The following RALGDS variants were observed in gnomAD, a reference collection of about 807,000 sequenced individuals.
RALGDS encodes the protein ral guanine nucleotide exchange factor.
In RALGDS, 44 loss-of-function variants were observed where a neutral mutation model predicts 99.8. The observed-to-expected ratio is 0.44, with a 90% confidence interval of 0.35 to 0.57. The LOEUF (loss-of-function observed/expected upper bound fraction) is 0.57. Among genes scored for constraint, RALGDS ranks in the 20% least tolerant of loss-of-function variants. RALGDS has a pLI of 0.01. For synonymous variants in RALGDS, 529 were observed against 505.0 expected, an observed-to-expected ratio of 1.05 and a Z score of -0.64; for missense variants, 1,022 against 1,203.1, an observed-to-expected ratio of 0.85 and a Z score of 2.23.
intron 1 of RALGDS, among the ~76,000 whole-genome samples, chr9:133,143,966 A>T (rs1832581239): frequency 1.3e-5 from 2 of 151,804 alleles, no homozygotes; most frequent in Non-Finnish European, 2.9e-5. Context: ...GCCCCTTTGT[A>T]TATCAAAGGC....
intron 10 of RALGDS, among the ~76,000 whole-genome samples, 167 bp from the exon 11 acceptor site, chr9:133,104,000 A>G (rs570206982): frequency 7.2e-5 from 11 of 152,156 alleles, no homozygotes; most frequent in Middle Eastern, 3.4e-3. Context: ...CCTGGCTGGC[A>G]TCTGGGAAAT....
intron 9 of RALGDS, 37 bp downstream of exon 9, chr9:133,105,895 C>CAG (rs1325915942): frequency 9.8e-5 from 7 of 71,122 alleles, no homozygotes; most frequent in African/African-American, 4.2e-4. Context: ...GCCCCAGCCC[C>CAG]CGCCCCAGCC....
intron 17 of RALGDS, chr9:133,099,150 C>A (rs566363237): frequency 8.2e-6 from 2 of 245,252 alleles, no homozygotes; most frequent in South Asian, 1.1e-4. Flanking sequence ...AAAGGACAGG[C>A]CTGCCCCAGG....
intron 4 of RALGDS, among the ~76,000 whole-genome samples, chr9:133,109,371 G>C (rs1831227433): frequency 6.6e-6 from 1 of 152,178 alleles, no homozygotes; most frequent in South Asian, 2.1e-4. Flanking sequence ...AGGCCAGCTG[G>C]GATGAGGCTA....
At chr9:133,146,195 G>C (rs566363919) in intron 1 of RALGDS, among the ~76,000 whole-genome samples, 1 of 96,320 alleles carries the variant, frequency 1.0e-5, no homozygotes, top group African/African-American at 3.1e-5. Context: ...TTGTTTGTTC[G>C]TTTGTTTATT....
chr9:133,110,268 C>T (rs746457280), intron 3 of RALGDS, 28 bp downstream of exon 3: 1 of 1,604,920 alleles, frequency 6.2e-7, no homozygotes, highest in Non-Finnish European at 8.5e-7. Context: ...CCCCTGTGCA[C>T]CCTGTGCAGT....
chr9:133,137,963 C>T lies in RALGDS; in HGVS notation c.18+11000G>A, dbSNP rs961866439. 1.1e-4 allele frequency among the ~76,000 whole-genome samples: 16 copies of T among 152,332 alleles called. No individual in the cohort carries two copies. In the South Asian group the frequency reaches 1.7e-3, roughly 16 times the overall value. ...TCCAGCAGGCCCTGGTCGCCCAGTGCGCTCGGGCCAGGGGAACCAGGACAA... is the reference window on the plus strand; with the variant it reads ...TCCAGCAGGCCCTGGTCGCCCAGTGTGCTCGGGCCAGGGGAACCAGGACAA... On this transcript the variant is annotated intron_variant, in intron 1 of 17. Transcript: ENST00000393160.
intron 3 of RALGDS, 32 bp downstream of exon 3, chr9:133,110,264 T>G (rs1447838765): frequency 5.0e-6 from 8 of 1,600,406 alleles, no homozygotes; most frequent in Non-Finnish European, 6.0e-6. Flanking sequence ...AGGGCCCCTG[T>G]GCACCCTGTG....
chr9:133,114,391 C>T (rs551079681), intron 1 of RALGDS, among the ~76,000 whole-genome samples: 1 of 152,284 alleles, frequency 6.6e-6, no homozygotes, highest in Admixed American at 6.5e-5. Flanking sequence ...GTGCAGGCTC[C>T]AGAGAGAGCT....
chr9:133,117,484 G>A (rs564719918), intron 1 of RALGDS, among the ~76,000 whole-genome samples: 42 of 152,344 alleles, frequency 2.8e-4, no homozygotes, highest in African/African-American at 7.7e-4. Flanking sequence ...ACCCTCCAAC[G>A]CAGGTGTCCT....
intron 1 of RALGDS, 75 bp from the exon 2 acceptor site, chr9:133,112,227 T>A: frequency 1.1e-6 from 1 of 951,330 alleles, no homozygotes; most frequent in South Asian, 1.4e-5. Flanking sequence ...GGGATGCACC[T>A]GTGTAACCTG....
At chr9:133,129,418 TG>T in intron 1 of RALGDS, 2 of 1,415,024 alleles carry the variant, frequency 1.4e-6, no homozygotes, top group Non-Finnish European at 1.8e-6. Flanking sequence ...CCCGAGTGCC[TG>T]GGCCTGGTGT....
In RALGDS at chr9:133,108,306, T is replaced by TGGCTCC. The variant is rs753709113; in HGVS notation, c.873_878dup (p.Glu294_Pro295dup). The stretch of plus-strand genomic sequence containing the variant: ...CTGGAGCTGGTGTTGGAGCTGGCTC[T>TGGCTCC]GGCTCCGGGGCTGGAGCCGGCACTG... On this transcript the variant is annotated inframe_insertion, in exon 6 of 18. Transcript: ENST00000372050. 6 of 1,550,324 alleles carry TGGCTCC rather than the reference T, an allele frequency of 3.9e-6. No homozygotes were observed. Among genetic ancestry groups the TGGCTCC allele is most frequent in the South Asian group, 3.5e-5 (3 of 85,136 alleles).
chr9:133,099,077 T>C (rs966990877), intron 17 of RALGDS: 1 of 374,134 alleles, frequency 2.7e-6, no homozygotes, highest in Admixed American at 3.9e-5. Flanking sequence ...GAACAGGCTT[T>C]CTAGAATCCA....
chr9:133,149,064 A>C, exon 1 of RALGDS: 2 of 1,129,234 alleles, frequency 1.8e-6, no homozygotes, highest in Non-Finnish European at 2.2e-6. Flanking sequence ...CGCGCGGCGC[A>C]GGGGTGCGCC....
intron 1 of RALGDS, among the ~76,000 whole-genome samples, chr9:133,130,471 A>C (rs1832303559): frequency 6.6e-6 from 1 of 152,164 alleles, no homozygotes; most frequent in Non-Finnish European, 1.5e-5. Context: ...TTGTTTCATT[A>C]AGTAGGGTGG....
chr9:133,113,575 C>G (rs11244001), intron 1 of RALGDS, among the ~76,000 whole-genome samples: 3,938 of 152,320 alleles, frequency 0.026, 83 homozygotes, highest in Non-Finnish European at 0.038. Flanking sequence ...AACAGCCCCG[C>G]CAGGGGAGGT....
exon 1 of RALGDS, chr9:133,149,025 G>T: frequency 2.0e-6 from 3 of 1,512,470 alleles, no homozygotes; most frequent in East Asian, 2.6e-5. Flanking sequence ...CGGGACCCGG[G>T]GCTCGCAGAG....
exon 1 of RALGDS, chr9:133,149,018 G>C: frequency 6.5e-7 from 1 of 1,538,320 alleles, no homozygotes; most frequent in Non-Finnish European, 8.7e-7. Context: ...CCCAGGGCGG[G>C]ACCCGGGGCT....
Sources: allele counts gnomAD v4.1 joint callset (sites outside exome capture counted in the v4.1 genomes callset), GRCh38; gene constraint gnomAD v4.1.1; transcripts MANE v1.5; gene names NCBI Gene and HGNC (gene_info 2026-07-23, HGNC 2026-07-21).